CARD9: variants seen among roughly 807,000 people sequenced by gnomAD.
CARD9 encodes the protein caspase recruitment domain-containing protein 9.
Under a neutral mutation model 66.0 loss-of-function variants are expected in CARD9, and 53 were observed. The observed-to-expected ratio is 0.80, with a 90% confidence interval of 0.64 to 1.01. The LOEUF is 1.01. Among genes scored for constraint, CARD9 ranks in the 50% least tolerant of loss-of-function variants. The pLI is 0.00. For synonymous variants in CARD9, 387 were observed against 313.8 expected (o/e 1.23, Z -2.47); for missense variants, 769 against 743.2 (o/e 1.03, Z -0.40).
rs1210013859 is a variant in CARD9, at chr9:136,372,218, G to A, written c.-16-124C>T. On this transcript the variant is annotated intron_variant, in intron 1 of 12. Transcript: ENST00000371732. Reference sequence around the variant, plus strand: ...AGGGCATCGAGGGGGATCAGCCCAGGGGCATCCAGGAGAGGTGCCCAGCTC... The same window carrying A: ...AGGGCATCGAGGGGGATCAGCCCAGAGGCATCCAGGAGAGGTGCCCAGCTC... The A allele has an allele frequency of 1.3e-5, 17 of 1,347,856 alleles. No individual in the cohort carries two copies. In the East Asian group the frequency reaches 2.3e-4, roughly 18 times the overall value. 83.5% of individuals were successfully genotyped at this position (1,347,856 alleles called of 1,614,324 possible).
intron 1 of CARD9, among the ~76,000 whole-genome samples, chr9:136,372,471 A>C (rs907367150): frequency 1.3e-5 from 2 of 152,198 alleles, no homozygotes; most frequent in Non-Finnish European, 2.9e-5. Flanking sequence ...GGACACTCCC[A>C]TCACGCCCTG....
rs769305169 is a variant in CARD9, at chr9:136,365,225, G to A, written c.1358-8C>T. ...CCCCGCCGGCAAGGCAGCCTGGAAAGGAGAGTCGTGCCTGTGGGACCTGCC... is the reference window on the plus strand; with the variant it reads ...CCCCGCCGGCAAGGCAGCCTGGAAAAGAGAGTCGTGCCTGTGGGACCTGCC... On this transcript the variant is annotated splice_polypyrimidine_tract_variant and splice_region_variant and intron_variant, in intron 10 of 12. Transcript: ENST00000371732. The A allele has an allele frequency of 3.1e-6, 5 of 1,607,062 alleles. No individual in the cohort carries two copies. The East Asian group carries it at 8.9e-5, about 29-fold the overall frequency.
chr9:136,371,494 GCACAGGCGAGGCAGAGGGCT>G, intron 2 of CARD9, 33 bp from the exon 3 acceptor site: 1 of 998,884 alleles, frequency 1.0e-6, no homozygotes, highest in East Asian at 3.7e-5. Context: ...TGGGGGCGGG[GCACAGGCGAGGCAGAGGGCT>G]GGGGTGGGTG....
At chr9:136,368,123 G>A (rs913522444) in intron 7 of CARD9, 19 of 972,302 alleles carry the variant, frequency 2.0e-5, no homozygotes, top group African/African-American at 3.4e-5. Flanking sequence ...TTTTGGACGC[G>A]GCTTGATATG....
chr9:136,369,713 G>A (rs773331700), intron 7 of CARD9, 37 bp downstream of exon 7: 8 of 1,564,596 alleles, frequency 5.1e-6, no homozygotes, highest in Middle Eastern at 1.7e-4. Flanking sequence ...ACCCACCCGC[G>A]AGTGGGGTGC....
At chr9:136,368,014 G>T (rs1331644139) in intron 7 of CARD9, 186 bp from the exon 8 acceptor site, 27 of 1,419,170 alleles carry the variant, frequency 1.9e-5, no homozygotes, top group African/African-American at 4.4e-5. Flanking sequence ...GATTGTAAAT[G>T]TGACAGTTGT....
At chr9:136,371,657 C>T (rs1402492274) in intron 2 of CARD9, among the ~76,000 whole-genome samples, 196 bp from the exon 3 acceptor site, 1 of 152,278 alleles carries the variant, frequency 6.6e-6, no homozygotes, top group Non-Finnish European at 1.5e-5. Context: ...CCTTGGCTGT[C>T]TCAGGAGCCC....
intron 8 of CARD9, 109 bp downstream of exon 8, chr9:136,367,528 C>G (rs1368693813): frequency 7.4e-7 from 1 of 1,349,080 alleles, no homozygotes; most frequent in South Asian, 1.4e-5. Flanking sequence ...AGGTTGGGGC[C>G]CGTCACAGAG....
chr9:136,364,256 G>A lies in CARD9; in HGVS notation c.*46C>T, dbSNP rs762526361. ...GCGTCGGCACCCCCGGGTGGCAGGA[G>A]GCCGGGCCGGTGGGTGTGCCCTGGT... is the stretch of plus-strand genomic sequence containing the variant. On this transcript the variant is annotated 3_prime_UTR_variant, in exon 13 of 13. Coordinates refer to ENST00000371732, the MANE Select transcript of CARD9 (RefSeq NM_052813.5). The A allele has an allele frequency of 2.6e-6, 4 of 1,550,436 alleles. No individual in the cohort carries two copies. The African/African-American group carries it at 4.1e-5, about 16-fold the overall frequency.
chr9:136,367,930 A>AAGCGG, intron 7 of CARD9, 102 bp from the exon 8 acceptor site: 2 of 1,461,954 alleles, frequency 1.4e-6, no homozygotes, highest in Non-Finnish European at 1.8e-6. Flanking sequence ...GGAGGACGTC[A>AAGCGG]AGCCGCTGGG....
rs1482474209 is a variant in CARD9 at position 136,371,093 on chromosome 9, C to T, written c.375G>A (p.Lys125=). 6.2e-7 allele frequency: 1 copy of T among 1,612,754 alleles called. No homozygotes were observed. Among genetic ancestry groups the T allele is most frequent in the Non-Finnish European group, 8.5e-7 (1 of 1,179,966 alleles). ...TCAGGTCCTGCACCTTCTTCTGCAG[C>T]TTCATGACCTCAGTCATCAGCAGCT... The part of the protein sequence containing the change: ...LTQLLMTEVM[K]LQKKVQDLTA... Residue 125 remains lysine, a synonymous_variant, in exon 4 of 13, where the codon AAG becomes AAA. Transcript: ENST00000371732.
rs756177404 is a variant in CARD9 at position 136,371,064 on chromosome 9, G to A, written c.404C>T (p.Ala135Val). The A allele has an allele frequency of 2.7e-5, 43 of 1,612,630 alleles. 1 individual carries two copies. The highest frequency in any genetic ancestry group is 1.3e-4 in the South Asian group (12 of 90,996). Reference protein sequence around the residue: ...KLQKKVQDLTALLSSKDDFIK... With the variant: ...KLQKKVQDLTVLLSSKDDFIK... Reference sequence around the variant, plus strand: ...GAAGTCATCTTTGGAGCTCAGCAGCGCGGTCAGGTCCTGCACCTTCTTCTG... The same window carrying A: ...GAAGTCATCTTTGGAGCTCAGCAGCACGGTCAGGTCCTGCACCTTCTTCTG... Residue 135 changes from alanine to valine, a missense_variant, in exon 4 of 13, where the codon GCG (alanine) becomes GTG (valine). Ala to Val is a moderately conservative substitution (Grantham distance 64). Coordinates refer to ENST00000371732, the MANE Select transcript of CARD9 (RefSeq NM_052813.5).
In CARD9 at chr9:136,373,573, G is replaced by A. The variant is rs1173604774; in HGVS notation, c.-58C>T. 7.1e-6 allele frequency: 7 copies of A among 984,708 alleles called. No homozygotes were observed. The African/African-American group carries it at 1.1e-4, about 15-fold the overall frequency. The allele number at this position is 984,708 out of a possible 1,614,324, so 61.0% of individuals were successfully genotyped here. On this transcript the variant is annotated 5_prime_UTR_variant, in exon 1 of 13. Coordinates refer to ENST00000371732, the MANE Select transcript of CARD9 (RefSeq NM_052813.5). ...AGCCACCTGCACTGCAGACACACCA[G>A]GAGCCTGGGCCGCGGAGCCTCTGGG...
Position 136,371,017 on chromosome 9 carries a change from CCTT to C in CARD9, c.448_450del (p.Lys150del). 6.2e-7 allele frequency: 1 copy of C among 1,611,966 alleles called. No homozygotes were observed. Among genetic ancestry groups the C allele is most frequent in the South Asian group, 1.1e-5 (1 of 90,830 alleles). On this transcript the variant is annotated inframe_deletion, in exon 4 of 13. Transcript: ENST00000371732. Reference sequence around the variant, plus strand: ...TCCTGGTGCTTGCGCAGCAGGCTGTCCTTCACCCGCAGCTCCTTGATGAAGTCA... The same window carrying C: ...TCCTGGTGCTTGCGCAGCAGGCTGTCCACCCGCAGCTCCTTGATGAAGTCA...
intron 7 of CARD9, among the ~76,000 whole-genome samples, chr9:136,369,015 T>C (rs539527837): frequency 2.5e-3 from 385 of 152,240 alleles, no homozygotes; most frequent in African/African-American, 8.8e-3. Context: ...AGACGGGGTT[T>C]CCCCATACTG....
Position 136,363,975 on chromosome 9 carries a change from T to C in CARD9, c.*327A>G. 2 of 1,132,700 alleles carry C rather than the reference T, an allele frequency of 1.8e-6. No individual in the cohort carries two copies. The highest frequency in any genetic ancestry group is 2.6e-6 in the Non-Finnish European group (2 of 771,258). The allele number at this position is 1,132,700 out of a possible 1,614,324, so 70.2% of individuals were successfully genotyped here. ...CGGGAATGCGGGTCACCCGTGCTGT[T>C]TATTTACGCAGCTGTGTTTTCTAAC... On this transcript the variant is annotated 3_prime_UTR_variant, in exon 13 of 13. Transcript: ENST00000371732.
chr9:136,369,699 G>A lies in CARD9; in HGVS notation c.1077+51C>T, dbSNP rs768961059. On this transcript the variant is annotated intron_variant, in intron 7 of 12. Coordinates refer to ENST00000371732, the MANE Select transcript of CARD9 (RefSeq NM_052813.5). ...ACTGCCCTCAAGGGCCGTGGCCCTG[G>A]TGCACCCACCCGCGAGTGGGGTGCT... 13 of 1,552,868 alleles carry A rather than the reference G, an allele frequency of 8.4e-6. No individual in the cohort carries two copies. The African/African-American group carries it at 9.5e-5, about 11-fold the overall frequency.
At position 136,366,535 on chromosome 9, in the gene CARD9, C is replaced by T. The variant is rs1429210980; in HGVS notation, c.1357+265G>A. ...GGTGGGCCTGCTCACCTCTGCAGCCCATGGGGGCTGCCCAGACCCCCACAC... is the reference window on the plus strand; with the variant it reads ...GGTGGGCCTGCTCACCTCTGCAGCCTATGGGGGCTGCCCAGACCCCCACAC... On this transcript the variant is annotated intron_variant, in intron 10 of 12. Transcript: ENST00000371732. 5.4e-6 allele frequency: 3 copies of T among 557,412 alleles called. No individual in the cohort carries two copies. The East Asian group carries it at 9.1e-5, about 17-fold the overall frequency. 34.5% of individuals were successfully genotyped at this position (557,412 alleles called of 1,614,324 possible).
chr9:136,369,581 G>A (rs1833207786), intron 7 of CARD9, among the ~76,000 whole-genome samples, 169 bp downstream of exon 7: 1 of 152,224 alleles, frequency 6.6e-6, no homozygotes, highest in African/African-American at 2.4e-5. Flanking sequence ...GAGGCCGGAG[G>A]ATTGCTTGAG....
Sources: gnomAD v4.1 joint callset for allele counts (sites outside exome capture counted in the v4.1 genomes callset) on GRCh38, gnomAD v4.1.1 for gene constraint, MANE v1.5 for transcripts, NCBI Gene and HGNC (gene_info 2026-07-23, HGNC 2026-07-21) for gene names.